ANKRD45: variants seen among roughly 807,000 people sequenced by gnomAD.
ANKRD45 encodes the protein ankyrin repeat domain 45.
ANKRD45 carries 21 observed loss-of-function variants against 28.1 expected under a neutral mutation model. The observed-to-expected ratio is 0.75, with a 90% CI of 0.53 to 1.08. ANKRD45 has a LOEUF of 1.08. Among genes scored for constraint, ANKRD45 ranks in the 50% least tolerant of loss-of-function variants. ANKRD45 has a pLI of 0.00. For synonymous variants in ANKRD45, 86 were observed against 103.9 expected (o/e 0.83, Z 1.05); for missense variants, 261 against 308.7 (o/e 0.85, Z 1.16).
chr1:173,685,074 G>A, the ANKRD45 span, among the ~76,000 whole-genome samples: 296 of 152,298 alleles, frequency 1.9e-3, 7 homozygotes, highest in East Asian at 0.051. Context: ...TCCTCTGGTT[G>A]ATAAAATGCC....
At chr1:173,712,026 T>C in the ANKRD45 span, among the ~76,000 whole-genome samples, 1 of 152,234 alleles carries the variant, frequency 6.6e-6, no homozygotes, top group African/African-American at 2.4e-5. Context: ...ACCTATACTA[T>C]GAATTATAAA....
At chr1:173,709,004 C>T in the ANKRD45 span, among the ~76,000 whole-genome samples, 1 of 152,192 alleles carries the variant, frequency 6.6e-6, no homozygotes, top group Non-Finnish European at 1.5e-5. Context: ...GCATATTCTT[C>T]CTGCTCTGTT....
chr1:173,632,064 G>T (rs1668220930), intron 3 of ANKRD45, among the ~76,000 whole-genome samples: 5 of 151,364 alleles, frequency 3.3e-5, no homozygotes, highest in Admixed American at 2.6e-4. Context: ...TTGGTTTTTT[G>T]AAAAGATAAA....
intron 3 of ANKRD45, among the ~76,000 whole-genome samples, chr1:173,631,410 GATC>G (rs1344232806): frequency 2.0e-5 from 3 of 151,990 alleles, no homozygotes; most frequent in African/African-American, 7.3e-5. Flanking sequence ...GCATTGGACA[GATC>G]ATCCGGACAG....
At chr1:173,682,720 C>CAT in the ANKRD45 span, among the ~76,000 whole-genome samples, 1 of 150,788 alleles carries the variant, frequency 6.6e-6, no homozygotes, top group African/African-American at 2.4e-5. Flanking sequence ...CACACACACA[C>CAT]ACATCTTGGA....
At position 173,659,357 on chromosome 1, in the gene ANKRD45, T is replaced by C; in HGVS notation, c.62A>G (p.Glu21Gly). ...TTCTTGGGCTTCTTCTTCTTCATTTTCCTCTTCTTGCTGTGAGAAAAATTC... is the reference window on the plus strand; with the variant it reads ...TTCTTGGGCTTCTTCTTCTTCATTTCCCTCTTCTTGCTGTGAGAAAAATTC... ...SSEFFSQQEE[E>G]NEEEEAQEPE... The change falls in exon 2 of 6, where the codon GAA becomes GGA. Residue 21 changes from glutamate to glycine, a missense_variant. Glu to Gly is a moderately conservative substitution (Grantham distance 98, BLOSUM62 -2). Coordinates refer to ENST00000333279, the MANE Select transcript of ANKRD45 (RefSeq NM_198493.3). 2 of 1,611,636 alleles carry C rather than the reference T, an allele frequency of 1.2e-6. No homozygotes were observed. Among genetic ancestry groups the C allele is most frequent in the East Asian group, 4.5e-5 (2 of 44,886 alleles).
intron 2 of ANKRD45, among the ~76,000 whole-genome samples, chr1:173,654,190 A>G (rs1166216241): frequency 6.6e-6 from 1 of 152,116 alleles, no homozygotes; most frequent in Non-Finnish European, 1.5e-5. Flanking sequence ...TCTTCCTAGT[A>G]TCAATGATCT....
At chr1:173,649,932 T>C (rs1408951611) in intron 2 of ANKRD45, among the ~76,000 whole-genome samples, 1 of 152,192 alleles carries the variant, frequency 6.6e-6, no homozygotes. Context: ...CTCAGTTTGC[T>C]TTTAAAAAGA....
At chr1:173,673,728 G>T (rs1670332197), upstream of ANKRD45, among the ~76,000 whole-genome samples, 1 of 152,108 alleles carries the variant, frequency 6.6e-6, no homozygotes, top group African/African-American at 2.4e-5. Context: ...GGTCAGTCTG[G>T]TTTAAAACAC....
chr1:173,638,592 C>T (rs1039658374), intron 3 of ANKRD45, among the ~76,000 whole-genome samples: 4 of 152,090 alleles, frequency 2.6e-5, no homozygotes, highest in Admixed American at 6.5e-5. Context: ...GGAAATGTTT[C>T]GAGTAAGACA....
At chr1:173,657,577 A>G (rs1327490853) in intron 2 of ANKRD45, 1 of 148,036 alleles carries the variant, frequency 6.8e-6, no homozygotes, top group Admixed American at 6.8e-5. Context: ...GGTATTATCA[A>G]TCCTTTCCTT....
At chr1:173,638,140 A>G (rs2102344112) in intron 3 of ANKRD45, among the ~76,000 whole-genome samples, 1 of 152,124 alleles carries the variant, frequency 6.6e-6, no homozygotes, top group South Asian at 2.1e-4. Context: ...CTGTTGCTGG[A>G]CAGAGTGCAT....
chr1:173,700,296 T>C, the ANKRD45 span, among the ~76,000 whole-genome samples: 2 of 152,198 alleles, frequency 1.3e-5, no homozygotes, highest in African/African-American at 4.8e-5. Context: ...ACCAATGACT[T>C]TCTTCACAGA....
chr1:173,637,382 G>A (rs572525234), intron 3 of ANKRD45, among the ~76,000 whole-genome samples: 1 of 152,340 alleles, frequency 6.6e-6, no homozygotes, highest in South Asian at 2.1e-4. Context: ...TCTGCTAGCT[G>A]TAATAAAGAA....
the ANKRD45 span, among the ~76,000 whole-genome samples, chr1:173,713,411 T>C: frequency 1.3e-5 from 2 of 152,138 alleles, no homozygotes; most frequent in Non-Finnish European, 2.9e-5. Context: ...GTTTAAATAA[T>C]TACAGTCCTT....
At chr1:173,634,307 T>C (rs1239635123) in intron 3 of ANKRD45, among the ~76,000 whole-genome samples, 3 of 151,844 alleles carry the variant, frequency 2.0e-5, no homozygotes, top group Non-Finnish European at 4.4e-5. Flanking sequence ...ACTCCACAGA[T>C]ACAGACATAT....
chr1:173,709,708 T>C, the ANKRD45 span, among the ~76,000 whole-genome samples: 1 of 152,006 alleles, frequency 6.6e-6, no homozygotes. Context: ...CACAGCTCAC[T>C]GCAGCTTCAA....
the ANKRD45 span, among the ~76,000 whole-genome samples, chr1:173,691,340 C>T: frequency 2.6e-5 from 4 of 152,204 alleles, no homozygotes; most frequent in African/African-American, 9.7e-5. Context: ...GGGCGGGGCA[C>T]ACCTCCTCAC....
intron 1 of ANKRD45, among the ~76,000 whole-genome samples, chr1:173,663,636 A>T (rs1200437698): frequency 6.6e-6 from 1 of 152,218 alleles, no homozygotes; most frequent in Non-Finnish European, 1.5e-5. Flanking sequence ...GATAAGATGT[A>T]ATCAGATATA....
Sources: allele counts gnomAD v4.1 joint callset (sites outside exome capture counted in the v4.1 genomes callset), GRCh38; gene constraint gnomAD v4.1.1; transcripts MANE v1.5; gene names NCBI Gene and HGNC (gene_info 2026-07-23, HGNC 2026-07-21).